DMD: variants seen among roughly 807,000 people sequenced by gnomAD.
DMD encodes dystrophin.
A neutral mutation model predicts 330.1 loss-of-function variants in DMD; 63 were observed. That is an observed-to-expected ratio of 0.19 (90% confidence interval 0.16 to 0.24). The LOEUF (loss-of-function observed/expected upper bound fraction) is 0.24. Among genes scored for constraint, DMD ranks in the 10% least tolerant of loss-of-function variants. The pLI is 1.00. For missense variants in DMD, 3,344 were observed against 2,684.1 expected (o/e 1.25, Z -5.43); for synonymous variants, 1,223 against 959.8 (o/e 1.27, Z -5.07).
At chrX:31,451,113 TC>T (rs200695030) in intron 59 of DMD, among the ~76,000 whole-genome samples, 2,080 of 108,646 alleles carry the variant, frequency 0.019, 57 homozygotes, top group African/African-American at 0.065. Context: ...TTTTTTTTTT[TC>T]AGGAGACTTT....
At chrX:31,143,998 C>A (rs1395968804) in intron 76 of DMD, among the ~76,000 whole-genome samples, 1 of 111,867 alleles carries the variant, frequency 8.9e-6, no homozygotes. Context: ...ATATTCAGAT[C>A]TCAGGTGGAG....
intron 50 of DMD, among the ~76,000 whole-genome samples, chrX:31,783,110 T>C (rs2054233): frequency 0.11 from 12,328 of 111,286 alleles, 540 homozygotes; most frequent in Middle Eastern, 0.14. Context: ...ATAAAATCCA[T>C]ATAACCATTT....
intron 50 of DMD, among the ~76,000 whole-genome samples, chrX:31,801,306 C>T (rs1291744960): frequency 9.0e-6 from 1 of 110,977 alleles, no homozygotes; most frequent in African/African-American, 3.3e-5. Context: ...CTCATGAGAA[C>T]TCATTCACTA....
intron 11 of DMD, among the ~76,000 whole-genome samples, chrX:32,640,689 T>A (rs2059391538): frequency 9.0e-6 from 1 of 110,963 alleles, no homozygotes; most frequent in African/African-American, 3.3e-5. Context: ...GATAGTAAAG[T>A]ATACTTTTAT....
At chrX:32,454,201 T>C (rs1259937577) in intron 26 of DMD, among the ~76,000 whole-genome samples, 3 of 111,425 alleles carry the variant, frequency 2.7e-5, no homozygotes, top group African/African-American at 9.7e-5. Flanking sequence ...AACTCAGTCC[T>C]TTCTATCCAT....
In DMD at chrX:31,599,340, G is replaced by A. The variant is rs141190702; in HGVS notation, c.8217+28333C>T. On this transcript the variant is annotated intron_variant, in intron 55 of 78. Coordinates refer to ENST00000357033, the MANE Select transcript of DMD (RefSeq NM_004006.3). Reference sequence around the variant, plus strand: ...CTCTCCGAAACCAATTTAACTTTAGGTTATTTAATTGGAACTCCAAAGAAT... The same window carrying A: ...CTCTCCGAAACCAATTTAACTTTAGATTATTTAATTGGAACTCCAAAGAAT... Among the ~76,000 whole-genome samples, 953 of 111,448 alleles carry A rather than the reference G, an allele frequency of 8.6e-3. 9 individuals are homozygous for A. The highest frequency in any genetic ancestry group is 0.037 in the Middle Eastern group (8 of 216).
chrX:33,124,145 G>T (rs760270784), intron 1 of DMD, among the ~76,000 whole-genome samples: 1 of 107,994 alleles, frequency 9.3e-6, no homozygotes, highest in East Asian at 3.0e-4. Flanking sequence ...CAGCCTGGGC[G>T]ACAGAGGGAG....
chrX:31,547,286 T>TTC (rs2074198709), intron 55 of DMD, among the ~76,000 whole-genome samples: 1 of 112,045 alleles, frequency 8.9e-6, no homozygotes, highest in Non-Finnish European at 1.9e-5. Context: ...TGAAAGCTGG[T>TTC]TATAATGAAA....
chrX:32,243,282 C>A (rs1294735380), intron 43 of DMD, among the ~76,000 whole-genome samples: 1 of 111,161 alleles, frequency 9.0e-6, no homozygotes, highest in Non-Finnish European at 1.9e-5. Context: ...TGGGTACATA[C>A]CAATTAAAGA....
intron 1 of DMD, among the ~76,000 whole-genome samples, chrX:33,202,347 C>T (rs931759996): frequency 1.8e-5 from 2 of 111,580 alleles, no homozygotes; most frequent in Non-Finnish European, 3.8e-5. Flanking sequence ...AGCTGAGCTA[C>T]CTTAAGCAAA....
intron 1 of DMD, among the ~76,000 whole-genome samples, chrX:33,140,348 A>G (rs2047735063): frequency 8.9e-6 from 1 of 112,148 alleles, no homozygotes; most frequent in South Asian, 3.6e-4. Flanking sequence ...CAAGGGAAAA[A>G]GGGATAGTTT....
At chrX:32,818,870 C>T (rs940914997) in intron 5 of DMD, among the ~76,000 whole-genome samples, 3 of 110,705 alleles carry the variant, frequency 2.7e-5, no homozygotes, top group African/African-American at 9.9e-5. Context: ...CCATTTTAAC[C>T]CCATTTGAGA....
At chrX:32,799,789 T>C (rs188285907) in intron 7 of DMD, among the ~76,000 whole-genome samples, 142 of 111,087 alleles carry the variant, frequency 1.3e-3, no homozygotes, top group Non-Finnish European at 2.3e-3. Context: ...TAAACATACA[T>C]AATTTATTAA....
chrX:33,095,138 C>G (rs1369545588), intron 1 of DMD, among the ~76,000 whole-genome samples: 3 of 112,247 alleles, frequency 2.7e-5, no homozygotes, highest in Non-Finnish European at 5.6e-5. Flanking sequence ...TACATAAAAT[C>G]TTAATGTGTA....
Position 33,074,776 on chromosome X carries a change from A to G in DMD, c.32-54576T>C, listed in dbSNP as rs775319361. On this transcript the variant is annotated intron_variant, in intron 1 of 78. Coordinates refer to ENST00000357033, the MANE Select transcript of DMD (RefSeq NM_004006.3). ...ACCAGATGTGTCCTTTTGACCTGGGACTTCTTGAAATGGTCTTTGCAAAAA... is the reference window on the plus strand; with the variant it reads ...ACCAGATGTGTCCTTTTGACCTGGGGCTTCTTGAAATGGTCTTTGCAAAAA... Among the ~76,000 whole-genome samples, 6 of 111,157 alleles carry G rather than the reference A, an allele frequency of 5.4e-5. No individual in the cohort carries two copies. In the East Asian group the frequency reaches 1.4e-3, roughly 26 times the overall value.
intron 5 of DMD, among the ~76,000 whole-genome samples, chrX:32,822,125 T>G (rs1263489006): frequency 8.9e-6 from 1 of 112,074 alleles, no homozygotes; most frequent in African/African-American, 3.2e-5. Context: ...CCAAATTTTT[T>G]AAATGAGTGG....
At chrX:32,335,837 T>C (rs1178389038) in intron 41 of DMD, among the ~76,000 whole-genome samples, 4 of 104,791 alleles carry the variant, frequency 3.8e-5, no homozygotes, top group South Asian at 4.0e-4. Context: ...ATATATAACG[T>C]GCATATATAA....
chrX:31,317,687 ATT>A (rs2056128981), intron 62 of DMD, among the ~76,000 whole-genome samples: 2 of 109,237 alleles, frequency 1.8e-5, no homozygotes, highest in African/African-American at 6.7e-5. Flanking sequence ...AATTTTTTGT[ATT>A]TTTAGTAGAG....
intron 52 of DMD, among the ~76,000 whole-genome samples, chrX:31,688,623 G>T (rs1270879298): frequency 2.7e-5 from 3 of 111,578 alleles, no homozygotes; most frequent in African/African-American, 9.8e-5. Context: ...ATTTTATGAG[G>T]CCAGCATCAT....
Sources: gnomAD v4.1 joint callset for allele counts (sites outside exome capture counted in the v4.1 genomes callset) on GRCh38, gnomAD v4.1.1 for gene constraint, MANE v1.5 for transcripts, NCBI Gene and HGNC (gene_info 2026-07-23, HGNC 2026-07-21) for gene names.